Variants in ZRANB3 observed in about 807,000 individuals in gnomAD.
ZRANB3 encodes the protein DNA annealing helicase and endonuclease ZRANB3.
ZRANB3 carries 125 observed loss-of-function variants against 133.8 expected under a neutral mutation model. The ratio of observed to expected loss-of-function variants is 0.93; its 90% CI spans 0.81 to 1.08. ZRANB3 has a LOEUF of 1.08. ZRANB3 is among the 50% of genes least tolerant of loss of function. ZRANB3 has a pLI of 0.00. For synonymous variants in ZRANB3, 387 were observed against 432.7 expected (o/e 0.89, Z 1.31); for missense variants, 1,229 against 1,275.5 (o/e 0.96, Z 0.56).
chr2:135,399,504 T>C (rs1255419572), intron 2 of ZRANB3, among the ~76,000 whole-genome samples: 1 of 152,192 alleles, frequency 6.6e-6, no homozygotes, highest in African/African-American at 2.4e-5. Flanking sequence ...TGAACACATA[T>C]AAACTGGAGG....
chr2:135,401,599 T>G (rs1158778010), intron 2 of ZRANB3, among the ~76,000 whole-genome samples: 1 of 152,196 alleles, frequency 6.6e-6, no homozygotes, highest in East Asian at 1.9e-4. Context: ...AACTAGGTGG[T>G]GATTCTGAGA....
intron 2 of ZRANB3, among the ~76,000 whole-genome samples, chr2:135,400,362 T>C (rs575494817): frequency 1.6e-3 from 249 of 152,222 alleles, no homozygotes; most frequent in Non-Finnish European, 2.7e-3. Flanking sequence ...TTTTTTTTTC[T>C]CTAAATGGAG....
At chr2:135,464,927 T>C (rs1016705616) in intron 2 of ZRANB3, among the ~76,000 whole-genome samples, 1 of 152,328 alleles carries the variant, frequency 6.6e-6, no homozygotes, top group Admixed American at 6.5e-5. Context: ...GTTAGAAGCT[T>C]TGTTAGTCTG....
intron 2 of ZRANB3, among the ~76,000 whole-genome samples, chr2:135,454,454 A>C (rs1690406846): frequency 6.6e-6 from 1 of 152,158 alleles, no homozygotes; most frequent in South Asian, 2.1e-4. Flanking sequence ...AATAATCTGA[A>C]CAGCTTTAGG....
chr2:135,518,306 GA>G (rs889163074), intron 1 of ZRANB3, among the ~76,000 whole-genome samples: 3 of 152,194 alleles, frequency 2.0e-5, no homozygotes, highest in African/African-American at 7.2e-5. Flanking sequence ...ACTGTGGTAT[GA>G]AAAAAACTCC....
intron 8 of ZRANB3, among the ~76,000 whole-genome samples, chr2:135,312,143 T>TTTA (rs1683015322): frequency 8.9e-6 from 1 of 112,474 alleles, no homozygotes; most frequent in Admixed American, 8.6e-5. Flanking sequence ...ATTATTTTAT[T>TTTA]TTATTTTATT....
chr2:135,502,008 A>G (rs1692970973), intron 2 of ZRANB3, among the ~76,000 whole-genome samples: 1 of 152,172 alleles, frequency 6.6e-6, no homozygotes, highest in Non-Finnish European at 1.5e-5. Context: ...TACCACCTTC[A>G]AAGTGCTAAG....
intron 2 of ZRANB3, among the ~76,000 whole-genome samples, chr2:135,479,944 C>CTT (rs373892591): frequency 1.4e-5 from 2 of 145,416 alleles, no homozygotes; most frequent in African/African-American, 5.0e-5. Flanking sequence ...TTCATATTTT[C>CTT]TTTTTTTTTT....
intron 2 of ZRANB3, among the ~76,000 whole-genome samples, chr2:135,406,477 C>T (rs910587369): frequency 6.6e-6 from 1 of 152,146 alleles, no homozygotes; most frequent in African/African-American, 2.4e-5. Context: ...TTTATGAGGT[C>T]AGCATCATTC....
chr2:135,410,255 C>A (rs1688244497), intron 2 of ZRANB3, among the ~76,000 whole-genome samples: 1 of 152,066 alleles, frequency 6.6e-6, no homozygotes, highest in Non-Finnish European at 1.5e-5. Flanking sequence ...GCTACAGTAA[C>A]CAAAACAGCA....
intron 2 of ZRANB3, among the ~76,000 whole-genome samples, chr2:135,409,122 G>A (rs773473268): frequency 1.1e-4 from 17 of 152,116 alleles, no homozygotes; most frequent in Admixed American, 2.0e-4. Context: ...ATAGTGGGAG[G>A]TGAAGGAGGA....
At chr2:135,294,444 C>T (rs1681928338) in intron 8 of ZRANB3, among the ~76,000 whole-genome samples, 1 of 152,022 alleles carries the variant, frequency 6.6e-6, no homozygotes, top group African/African-American at 2.4e-5. Flanking sequence ...CGGTGATATC[C>T]CCTTTGTCAT....
Position 135,252,012 on chromosome 2 carries a change from C to A in ZRANB3, c.1539+13522G>T, listed in dbSNP as rs541572300. On this transcript the variant is annotated intron_variant, in intron 12 of 20. Transcript: ENST00000264159. Reference sequence around the variant, plus strand: ...ATCGTGCCACTGCACTCCAGCCTGGCGACAGAGCAGGATTCCGTCTCAAAA... The same window carrying A: ...ATCGTGCCACTGCACTCCAGCCTGGAGACAGAGCAGGATTCCGTCTCAAAA... 3.3e-5 allele frequency among the ~76,000 whole-genome samples: 5 copies of A among 152,110 alleles called. 1 individual carries two copies. Among genetic ancestry groups the A allele is most frequent in the African/African-American group, 9.7e-5 (4 of 41,408 alleles).
intron 8 of ZRANB3, among the ~76,000 whole-genome samples, chr2:135,288,617 T>C (rs1471291140): frequency 6.6e-6 from 1 of 152,224 alleles, no homozygotes; most frequent in Non-Finnish European, 1.5e-5. Flanking sequence ...CTCTATTTCT[T>C]CCTGGTTTAA....
At chr2:135,451,451 A>AATTCAG (rs1690263298) in intron 2 of ZRANB3, among the ~76,000 whole-genome samples, 2 of 152,112 alleles carry the variant, frequency 1.3e-5, no homozygotes. Flanking sequence ...AATCCCAGCT[A>AATTCAG]CTTGGGAGGC....
chr2:135,260,858 T>C (rs112334908), intron 12 of ZRANB3, among the ~76,000 whole-genome samples: 8,976 of 144,980 alleles, frequency 0.062, 547 homozygotes, highest in African/African-American at 0.16. Context: ...TATTCAAGTA[T>C]ATTTGATATA....
chr2:135,304,218 T>G (rs914684273), intron 8 of ZRANB3, among the ~76,000 whole-genome samples: 2 of 152,196 alleles, frequency 1.3e-5, no homozygotes, highest in African/African-American at 4.8e-5. Flanking sequence ...GCATTAAGTA[T>G]GATGTTAGAT....
intron 3 of ZRANB3, among the ~76,000 whole-genome samples, chr2:135,387,594 A>AT (rs1308774762): frequency 1.3e-5 from 2 of 152,112 alleles, no homozygotes; most frequent in African/African-American, 4.8e-5. Flanking sequence ...AAAGTTGAAG[A>AT]TTTTTTCTTA....
At chr2:135,348,451 G>A (rs1213020936) in intron 5 of ZRANB3, among the ~76,000 whole-genome samples, 2 of 152,220 alleles carry the variant, frequency 1.3e-5, no homozygotes, top group African/African-American at 2.4e-5. Context: ...GCTACCACAG[G>A]TGAAGAGTGA....
Sources: gnomAD v4.1 joint callset for allele counts (sites outside exome capture counted in the v4.1 genomes callset) on GRCh38, gnomAD v4.1.1 for gene constraint, MANE v1.5 for transcripts, NCBI Gene and HGNC (gene_info 2026-07-23, HGNC 2026-07-21) for gene names.